The following TNNT2 variants were observed in gnomAD, a reference collection of about 807,000 sequenced individuals.
The protein encoded by TNNT2 is troponin T2, cardiac type, also known as troponin T, cardiac muscle.
TNNT2 carries 34 observed loss-of-function variants against 62.4 expected under a neutral mutation model. The observed-to-expected ratio is 0.54, with a 90% CI of 0.41 to 0.72. TNNT2 has a LOEUF of 0.72. Ranked by LOEUF, TNNT2 falls within the 30% of genes least tolerant of loss-of-function variation. The probability of loss-of-function intolerance (pLI) is 0.00; values close to 1 mark genes in which losing one functional copy is unlikely to be tolerated. For synonymous variants in TNNT2, 123 were observed against 127.2 expected, an observed-to-expected ratio of 0.97 and a Z score of 0.22; for missense variants, 275 against 381.9, an observed-to-expected ratio of 0.72 and a Z score of 2.33.
intron 10 of TNNT2, 98 bp downstream of exon 10, chr1:201,365,093 G>A (rs960720368): frequency 3.0e-5 from 31 of 1,049,650 alleles, no homozygotes; most frequent in South Asian, 5.0e-5. Flanking sequence ...GGTTTGAGGC[G>A]CCGAGGAAGG....
At position 201,373,286 on chromosome 1, in the gene TNNT2, A is replaced by T; in HGVS notation, c.-14-18T>A. The T allele has an allele frequency of 6.2e-7, 1 of 1,613,276 alleles. No individual in the cohort carries two copies. Among genetic ancestry groups the T allele is most frequent in the Non-Finnish European group, 8.5e-7 (1 of 1,179,328 alleles). On this transcript the variant is annotated intron_variant, in intron 1 of 16. Transcript: ENST00000656932. ...TGCTCTCCCTCCAAAAGGAGAAAAA[A>T]GTCAGTGCAGGTACAAAGGGAAGCC...
At chr1:201,373,088 G>A (rs780520104) in intron 2 of TNNT2, 126 bp downstream of exon 2, 1 of 935,420 alleles carries the variant, frequency 1.1e-6, no homozygotes, top group Admixed American at 1.7e-5. Context: ...TCTCTCCTCG[G>A]GGTGCCCAAA....
At chr1:201,367,074 T>C in intron 7 of TNNT2, 1 of 761,340 alleles carries the variant, frequency 1.3e-6, no homozygotes, top group South Asian at 1.6e-5. Flanking sequence ...CCCCCTCCCA[T>C]AGAGTTCTGC....
rs11808175 is a variant in TNNT2 at position 201,363,680 on chromosome 1, A to T, written c.490-274T>A. 0.012 allele frequency: 5,674 copies of T among 469,432 alleles called. 256 individuals are homozygous for T. Among genetic ancestry groups the T allele is most frequent in the African/African-American group, 0.1 (5,164 of 50,806 alleles). 29.1% of individuals were successfully genotyped at this position (469,432 alleles called of 1,614,324 possible). A position where few individuals can be genotyped will look rare whatever the true frequency, so the allele number is the denominator to read the frequency against. ...CCCTGGAAGACCTGTTGCTCTGGAA[A>T]TGCCTTCAGCAGCTGCACAGGAAGA... On this transcript the variant is annotated intron_variant, in intron 11 of 16. Transcript: ENST00000656932.
At chr1:201,366,435 C>T in intron 8 of TNNT2, 2 of 1,117,974 alleles carry the variant, frequency 1.8e-6, no homozygotes, top group Non-Finnish European at 2.2e-6. Context: ...CCTCTCTCAG[C>T]TCTCTGAAGC....
Position 201,359,040 on chromosome 1 carries a change from G to C in TNNT2, c.*170C>G, listed in dbSNP as rs534887070. 2.4e-5 allele frequency: 18 copies of C among 752,554 alleles called. No homozygotes were observed. The African/African-American group carries it at 2.4e-4, about 10-fold the overall frequency. The allele number at this position is 752,554 out of a possible 1,614,324, so 46.6% of individuals were successfully genotyped here. A position where few individuals can be genotyped will look rare whatever the true frequency, so the allele number is the denominator to read the frequency against. On this transcript the variant is annotated 3_prime_UTR_variant, in exon 17 of 17. Coordinates refer to ENST00000656932, the MANE Select transcript of TNNT2 (RefSeq NM_001276345.2). Reference sequence around the variant, plus strand: ...CAGTGTGTGGTGGCTTTTTATTACTGGTGTGGAGTGGGTGTGGGGGCAGGC... The same window carrying C: ...CAGTGTGTGGTGGCTTTTTATTACTCGTGTGGAGTGGGTGTGGGGGCAGGC...
rs2102273980 is a variant in TNNT2, at chr1:201,366,855, C to T, written c.216G>A (p.Glu72=). 1.9e-6 allele frequency: 3 copies of T among 1,614,176 alleles called. No individual in the cohort carries two copies. Among genetic ancestry groups the T allele is most frequent in the Non-Finnish European group, 2.5e-6 (3 of 1,180,030 alleles). ...AKEAEDGPME[E]SKPKPRSFMP... ...CCACTCACCTGGGCTTTGGTTTGGA[C>T]TCCTCCATTGGGCCATCTGGAGGAG... Residue 72 remains glutamate, a synonymous_variant, in exon 8 of 17, where the codon GAG becomes GAA. Coordinates refer to ENST00000656932, the MANE Select transcript of TNNT2 (RefSeq NM_001276345.2).
In TNNT2 at chr1:201,359,625, T is replaced by C. The variant is rs2102216749; in HGVS notation, c.849A>G (p.Lys283=). The change falls in exon 16 of 17, where the codon AAA becomes AAG. Residue 283 remains lysine (K), a splice_region_variant and synonymous_variant. Transcript: ENST00000656932. Reference sequence around the variant, plus strand: ...CGAGAATGACCTCAGACACTTACACTTTCTGGTTATCGTTGATCCTGTTTC... The same window carrying C: ...CGAGAATGACCTCAGACACTTACACCTTCTGGTTATCGTTGATCCTGTTTC... ...VLRNRINDNQ[K]VSKTRGKAKV... The C allele has an allele frequency of 6.3e-7, 1 of 1,599,802 alleles. No individual in the cohort carries two copies. Among genetic ancestry groups the C allele is most frequent in the Non-Finnish European group, 8.5e-7 (1 of 1,171,720 alleles).
At chr1:201,368,327 T>A (rs1309381979) in intron 5 of TNNT2, 100 bp from the exon 6 acceptor site, 5 of 1,221,722 alleles carry the variant, frequency 4.1e-6, no homozygotes, top group Non-Finnish European at 4.7e-6. Context: ...GGGATGGGGG[T>A]CAAGACGTCT....
At chr1:201,373,343 G>T in intron 1 of TNNT2, 75 bp from the exon 2 acceptor site, 1 of 1,341,158 alleles carries the variant, frequency 7.5e-7, no homozygotes, top group Non-Finnish European at 1.1e-6. Flanking sequence ...GGCCCCCGTT[G>T]TACAGAGATC....
chr1:201,365,872 A>G (rs1571632645), intron 8 of TNNT2: 1 of 1,450,352 alleles, frequency 6.9e-7, no homozygotes, highest in Non-Finnish European at 9.1e-7. Context: ...GCTCTTTCAC[A>G]TATGCTATTT....
chr1:201,371,094 G>A (rs961551714), intron 4 of TNNT2, among the ~76,000 whole-genome samples: 2 of 152,200 alleles, frequency 1.3e-5, no homozygotes, highest in African/African-American at 2.4e-5. Flanking sequence ...GAGCCATGGG[G>A]AGCAAGGGCG....
intron 8 of TNNT2, chr1:201,366,387 C>G: frequency 9.4e-7 from 1 of 1,058,776 alleles, no homozygotes; most frequent in Non-Finnish European, 1.1e-6. Flanking sequence ...ACACCACCTT[C>G]AGGTGGGCTT....
chr1:201,372,239 C>T (rs1319980077), intron 2 of TNNT2, 84 bp from the exon 3 acceptor site: 1 of 1,591,044 alleles, frequency 6.3e-7, no homozygotes, highest in Non-Finnish European at 8.6e-7. Context: ...CACACACTGG[C>T]CTTTCCCCAA....
chr1:201,365,102 G>A, intron 10 of TNNT2, 89 bp downstream of exon 10: 1 of 1,139,180 alleles, frequency 8.8e-7, no homozygotes, highest in Non-Finnish European at 1.3e-6. Context: ...CGCCGAGGAA[G>A]GCTGTCTGGA....
intron 8 of TNNT2, 29 bp from the exon 9 acceptor site, chr1:201,365,699 G>A (rs908234074): frequency 1.2e-6 from 2 of 1,611,852 alleles, no homozygotes; most frequent in Admixed American, 1.7e-5. Context: ...GTCAGCATCA[G>A]CCCCATTCTG....
chr1:201,365,111 G>A, intron 10 of TNNT2, 80 bp downstream of exon 10: 2 of 1,227,926 alleles, frequency 1.6e-6, no homozygotes, highest in Admixed American at 3.4e-5. Context: ...AGGCTGTCTG[G>A]AGGAGGTGGG....
chr1:201,371,917 CAGCTGAGAGTGAGG>C, intron 4 of TNNT2, 96 bp downstream of exon 4: 4 of 1,446,116 alleles, frequency 2.8e-6, no homozygotes, highest in Middle Eastern at 2.3e-4. Flanking sequence ...GGATCTTGCT[CAGCTGAGAGTGAGG>C]AGCAGGGACA....
intron 4 of TNNT2, among the ~76,000 whole-genome samples, chr1:201,371,667 A>T (rs2102306432): frequency 6.6e-6 from 1 of 152,158 alleles, no homozygotes; most frequent in East Asian, 1.9e-4. Flanking sequence ...TAAGATGATG[A>T]TTGTTGAAGC....
Sources: gnomAD v4.1 joint callset for allele counts (sites outside exome capture counted in the v4.1 genomes callset) on GRCh38, gnomAD v4.1.1 for gene constraint, MANE v1.5 for transcripts, NCBI Gene and HGNC (gene_info 2026-07-23, HGNC 2026-07-21) for gene names.